M6PR: variants seen among roughly 807,000 people sequenced by gnomAD.
The protein encoded by M6PR is cation-dependent mannose-6-phosphate receptor.
A neutral mutation model predicts 33.1 loss-of-function variants in M6PR; 19 were observed. The observed-to-expected ratio is 0.57, with a 90% confidence interval of 0.40 to 0.84. The LOEUF (loss-of-function observed/expected upper bound fraction) is 0.84, where lower values mean the gene tolerates loss of function less well. Ranked by LOEUF, M6PR falls within the 40% of genes least tolerant of loss-of-function variation. The pLI is 0.00. For missense variants in M6PR, 295 were observed against 336.0 expected (o/e 0.88, Z 0.95); for synonymous variants, 111 against 123.4 (o/e 0.90, Z 0.67).
intron 1 of M6PR, chr12:8,946,659 A>G (rs1437620484): frequency 3.0e-6 from 1 of 336,506 alleles, no homozygotes; most frequent in Non-Finnish European, 5.4e-6. Flanking sequence ...AGTTGGGAAG[A>G]GGGAAATGAA....
intron 4 of M6PR, 63 bp downstream of exon 4, chr12:8,943,738 C>T (rs1046371648): frequency 1.4e-6 from 2 of 1,468,648 alleles, no homozygotes; most frequent in African/African-American, 2.8e-5. Flanking sequence ...TGGATATTCT[C>T]CCCAACCTCA....
At chr12:8,943,703 C>T in intron 4 of M6PR, 98 bp downstream of exon 4, 1 of 1,334,430 alleles carries the variant, frequency 7.5e-7, no homozygotes, top group Non-Finnish European at 1.1e-6. Context: ...TTTCTAATGT[C>T]CATCCCAACG....
chr12:8,942,338 A>T, intron 6 of M6PR, 78 bp downstream of exon 6: 1 of 1,597,662 alleles, frequency 6.3e-7, no homozygotes, highest in South Asian at 1.1e-5. Flanking sequence ...GAACCCCCTC[A>T]GTGTGAACAA....
At chr12:8,944,034 G>A in intron 3 of M6PR, 124 bp from the exon 4 acceptor site, 1 of 681,634 alleles carries the variant, frequency 1.5e-6, no homozygotes, top group Non-Finnish European at 2.7e-6. Context: ...ACCCTCATCA[G>A]TACGAACTTG....
In M6PR at chr12:8,942,487, C is replaced by T. The variant is rs764033209; in HGVS notation, c.640G>A (p.Val214Ile). Residue 214 changes from valine (V) to isoleucine (I), a missense_variant, in exon 6 of 7, where the codon GTA becomes ATA. By Grantham distance (29) the Val-to-Ile change is conservative. Transcript: ENST00000000412. ...TGCTCCATTCCTTTGGCTCCCACTA[C>T]CAGTCGCTGGTATAGGAACCCCCCA... ...VVGGFLYQRL[V>I]VGAKGMEQFP... 2 of 1,614,174 alleles carry T rather than the reference C, an allele frequency of 1.2e-6. No homozygotes were observed. The highest frequency in any genetic ancestry group is 3.3e-5 in the Admixed American group (2 of 60,020).
At chr12:8,942,303 T>C in intron 6 of M6PR, 113 bp downstream of exon 6, 1 of 1,450,456 alleles carries the variant, frequency 6.9e-7, no homozygotes, top group Non-Finnish European at 9.5e-7. Flanking sequence ...TTTGTGGTTT[T>C]AGCACTCAAT....
intron 6 of M6PR, 47 bp downstream of exon 6, chr12:8,942,369 A>G: frequency 5.6e-6 from 9 of 1,613,916 alleles, no homozygotes; most frequent in Non-Finnish European, 6.8e-6. Flanking sequence ...TTGGTCACCC[A>G]ACCTTGTTTG....
At chr12:8,941,991 A>T in intron 6 of M6PR, 51 bp from the exon 7 acceptor site, 1 of 1,602,872 alleles carries the variant, frequency 6.2e-7, no homozygotes, top group South Asian at 1.1e-5. Flanking sequence ...TAACTTTAGG[A>T]TATGAGAAAG....
At chr12:8,943,633 C>T (rs965001453) in intron 4 of M6PR, 98 bp from the exon 5 acceptor site, 1 of 1,507,448 alleles carries the variant, frequency 6.6e-7, no homozygotes. Context: ...CTTCCTGGTT[C>T]AGCAGCCTAT....
intron 2 of M6PR, 148 bp from the exon 3 acceptor site, chr12:8,945,732 T>C: frequency 1.5e-6 from 1 of 672,486 alleles, no homozygotes; most frequent in South Asian, 2.0e-5. Context: ...TTTGTTTAAT[T>C]TTAAGATATT....
chr12:8,941,923 G>A lies in M6PR; in HGVS notation c.729C>T (p.Val243=). Residue 243 remains valine, a synonymous_variant, in exon 7 of 7, where the codon GTC becomes GTT. Coordinates refer to ENST00000000412, the MANE Select transcript of M6PR (RefSeq NM_002355.4). ...GNLVADGCDF[V]CRSKPRNVPA... ...GCACATTTCGAGGTTTAGAACGGCA[G>A]ACAAAGTCACAGCCATCCTGTAGGG... The A allele has an allele frequency of 1.2e-6, 2 of 1,614,100 alleles. No individual in the cohort carries two copies. The highest frequency in any genetic ancestry group is 1.7e-6 in the Non-Finnish European group (2 of 1,180,020).
intron 1 of M6PR, among the ~76,000 whole-genome samples, chr12:8,948,275 T>C (rs1371219320): frequency 1.3e-5 from 2 of 152,248 alleles, no homozygotes; most frequent in African/African-American, 2.4e-5. Context: ...TTTAATTCAG[T>C]GGCATATGCG....
intron 4 of M6PR, 115 bp downstream of exon 4, chr12:8,943,686 T>C (rs993128413): frequency 1.5e-6 from 2 of 1,317,164 alleles, no homozygotes; most frequent in Non-Finnish European, 2.2e-6. Context: ...GAAACTGAGC[T>C]CCTAGTTTTC....
At chr12:8,943,181 A>AC in intron 5 of M6PR, 1 of 493,992 alleles carries the variant, frequency 2.0e-6, no homozygotes, top group Non-Finnish European at 3.6e-6. Context: ...CAAACTCCTG[A>AC]CCTTAGGTGA....
rs1946005682 is a variant in M6PR, at chr12:8,941,459, T to C, written c.*359A>G. The C allele has an allele frequency of 5.2e-6, 1 of 192,078 alleles. No homozygotes were observed. Among genetic ancestry groups the C allele is most frequent in the Non-Finnish European group, 1.1e-5 (1 of 92,966 alleles). 11.9% of individuals were successfully genotyped at this position (192,078 alleles called of 1,614,324 possible). On this transcript the variant is annotated 3_prime_UTR_variant, in exon 7 of 7. Transcript: ENST00000000412. ...TTTTTTTAATTAAAGAAATCCAGTG[T>C]CTCAAAAACTTGTGAAAATGTGTTT...
chr12:8,944,023 A>G lies in M6PR; in HGVS notation c.344-113T>C, dbSNP rs1946062833. ...TCATTGCAATTGGTTATAACTAAACAACCCTCATCAGTACGAACTTGGTAT... is the reference window on the plus strand; with the variant it reads ...TCATTGCAATTGGTTATAACTAAACGACCCTCATCAGTACGAACTTGGTAT... On this transcript the variant is annotated intron_variant, in intron 3 of 6. Transcript: ENST00000000412. 1.4e-5 allele frequency: 10 copies of G among 724,582 alleles called. 1 individual carries two copies. In the South Asian group the frequency reaches 1.5e-4, roughly 11 times the overall value. The allele number at this position is 724,582 out of a possible 1,614,324, so 44.9% of individuals were successfully genotyped here.
At chr12:8,944,065 T>C in intron 3 of M6PR, among the ~76,000 whole-genome samples, 155 bp from the exon 4 acceptor site, 1 of 152,218 alleles carries the variant, frequency 6.6e-6, no homozygotes, top group East Asian at 1.9e-4. Context: ...AATGCCAAGC[T>C]AAACTTGTTT....
At chr12:8,945,717 G>A (rs1946085179) in intron 2 of M6PR, 133 bp from the exon 3 acceptor site, 1 of 704,162 alleles carries the variant, frequency 1.4e-6, no homozygotes, top group Non-Finnish European at 2.3e-6. Context: ...ATGGCTGAGT[G>A]AATATTTGTT....
chr12:8,943,700 T>A, intron 4 of M6PR, 101 bp downstream of exon 4: 2 of 1,330,744 alleles, frequency 1.5e-6, no homozygotes, highest in Non-Finnish European at 1.1e-6. Context: ...AGTTTTCTAA[T>A]GTCCATCCCA....
Sources: allele counts gnomAD v4.1 joint callset (sites outside exome capture counted in the v4.1 genomes callset), GRCh38; gene constraint gnomAD v4.1.1; transcripts MANE v1.5; gene names NCBI Gene and HGNC (gene_info 2026-07-23, HGNC 2026-07-21).